The following TMEM132D variants were observed in gnomAD, a reference collection of about 807,000 sequenced individuals.
TMEM132D encodes transmembrane protein 132D.
Under a neutral mutation model 62.3 loss-of-function variants are expected in TMEM132D, and 21 were observed. The observed-to-expected ratio is 0.34, with a 90% CI of 0.24 to 0.49. TMEM132D has a LOEUF of 0.49. Among genes scored for constraint, TMEM132D ranks in the 20% least tolerant of loss-of-function variants. TMEM132D has a pLI of 0.99. For synonymous variants in TMEM132D, 621 were observed against 575.6 expected (o/e 1.08, Z -1.13); for missense variants, 1,346 against 1,402.8 (o/e 0.96, Z 0.65).
chr12:129,104,330 G>T (rs1036030718), intron 5 of TMEM132D, among the ~76,000 whole-genome samples: 50 of 151,786 alleles, frequency 3.3e-4, no homozygotes, highest in African/African-American at 1.0e-3. Flanking sequence ...GGGAAAACTG[G>T]CTAGCCATAT....
At chr12:129,236,514 C>CAAAAAAAAAAAAAA (rs60745384) in intron 4 of TMEM132D, among the ~76,000 whole-genome samples, 7 of 67,014 alleles carry the variant, frequency 1.0e-4, no homozygotes, top group Non-Finnish European at 1.5e-4. Context: ...GACTCCATCT[C>CAAAAAAAAAAAAAA]AAAAAAAAAA....
intron 8 of TMEM132D, 77 bp downstream of exon 8, chr12:129,078,457 T>C: frequency 6.8e-7 from 1 of 1,463,024 alleles, no homozygotes; most frequent in Non-Finnish European, 9.4e-7. Flanking sequence ...GCGACCCGCC[T>C]GGCGTGGTGC....
intron 4 of TMEM132D, among the ~76,000 whole-genome samples, chr12:129,252,515 T>C (rs1178622158): frequency 1.3e-5 from 2 of 152,158 alleles, no homozygotes; most frequent in African/African-American, 4.8e-5. Flanking sequence ...TTCTACATTC[T>C]GGCAATCATT....
At position 129,815,796 on chromosome 12, in the gene TMEM132D, A is replaced by G. The variant is rs188466284; in HGVS notation, c.79+87465T>C. On this transcript the variant is annotated intron_variant, in intron 1 of 8. Coordinates refer to ENST00000422113, the MANE Select transcript of TMEM132D (RefSeq NM_133448.3). ...TGTCTACATTGTTGGAATTTTCTAC[A>G]ATTACTTTGTATTTTTTAATAACTA... 8.5e-5 allele frequency among the ~76,000 whole-genome samples: 13 copies of G among 152,296 alleles called. 1 individual carries two copies. The East Asian group carries it at 2.1e-3, about 25-fold the overall frequency.
rs34158444 is a variant in TMEM132D at position 129,647,121 on chromosome 12, C to CATATAT, written c.968+52683_968+52688dup. Among the ~76,000 whole-genome samples the CATATAT allele has an allele frequency of 1.6e-3, 238 of 146,458 alleles. 2 individuals are homozygous for CATATAT. In the East Asian group the frequency reaches 0.019, roughly 12 times the overall value. ...AACCACATGTTTTTATACATACATA[C>CATATAT]ATATATATATATATATATATACTCA... On this transcript the variant is annotated intron_variant, in intron 2 of 8. Transcript: ENST00000422113.
chr12:129,392,508 C>T, intron 3 of TMEM132D, among the ~76,000 whole-genome samples: 1 of 152,224 alleles, frequency 6.6e-6, no homozygotes, highest in East Asian at 1.9e-4. Flanking sequence ...TGGGCCTGCA[C>T]ATCCACATGC....
At chr12:129,423,993 TA>T (rs1872403223) in intron 3 of TMEM132D, among the ~76,000 whole-genome samples, 1 of 152,176 alleles carries the variant, frequency 6.6e-6, no homozygotes, top group African/African-American at 2.4e-5. Context: ...GAAAATGACA[TA>T]AAAATTTTCC....
At chr12:129,369,177 T>G (rs748275237) in intron 3 of TMEM132D, among the ~76,000 whole-genome samples, 1 of 152,224 alleles carries the variant, frequency 6.6e-6, no homozygotes, top group Non-Finnish European at 1.5e-5. Context: ...AGAGGGCACA[T>G]GCCTCTCTCT....
chr12:129,343,200 G>A (rs567269809), intron 3 of TMEM132D, among the ~76,000 whole-genome samples: 1 of 152,308 alleles, frequency 6.6e-6, no homozygotes, highest in African/African-American at 2.4e-5. Flanking sequence ...TGATAGACTG[G>A]ATTAAGAAAA....
At chr12:129,421,668 T>G (rs1182208777) in intron 3 of TMEM132D, among the ~76,000 whole-genome samples, 1 of 152,254 alleles carries the variant, frequency 6.6e-6, no homozygotes, top group Non-Finnish European at 1.5e-5. Flanking sequence ...GGCTACATTC[T>G]AAAATAAACT....
intron 2 of TMEM132D, among the ~76,000 whole-genome samples, chr12:129,591,104 T>C (rs189992513): frequency 1.3e-4 from 20 of 151,914 alleles, no homozygotes; most frequent in African/African-American, 4.6e-4. Context: ...ACCCAAGGCA[T>C]GAAAGAAAGA....
chr12:129,490,857 C>T (rs979969092), intron 3 of TMEM132D, among the ~76,000 whole-genome samples: 3 of 151,924 alleles, frequency 2.0e-5, no homozygotes, highest in African/African-American at 4.8e-5. Flanking sequence ...TCTGTGCCCC[C>T]GTTTGCCACG....
At chr12:129,293,036 C>A (rs1881487371) in intron 4 of TMEM132D, among the ~76,000 whole-genome samples, 1 of 152,176 alleles carries the variant, frequency 6.6e-6, no homozygotes, top group Non-Finnish European at 1.5e-5. Flanking sequence ...CAGAGGGGCC[C>A]TGTTTTCTGT....
intron 3 of TMEM132D, among the ~76,000 whole-genome samples, chr12:129,359,013 G>C (rs1870164090): frequency 6.6e-6 from 1 of 151,782 alleles, no homozygotes; most frequent in Non-Finnish European, 1.5e-5. Context: ...AGTAGCCAAA[G>C]GTGAAAACAA....
chr12:129,868,170 T>C (rs186197887), intron 1 of TMEM132D, among the ~76,000 whole-genome samples: 1 of 152,128 alleles, frequency 6.6e-6, no homozygotes, highest in Admixed American at 6.5e-5. Context: ...AGTGTTTCCA[T>C]GGTACACACA....
At chr12:129,133,153 T>C (rs1008232291) in intron 5 of TMEM132D, among the ~76,000 whole-genome samples, 1 of 151,846 alleles carries the variant, frequency 6.6e-6, no homozygotes, top group Non-Finnish European at 1.5e-5. Flanking sequence ...AGGCAGCAGA[T>C]CTGCATCTAT....
At chr12:129,449,464 A>T (rs1873203415) in intron 3 of TMEM132D, among the ~76,000 whole-genome samples, 1 of 152,196 alleles carries the variant, frequency 6.6e-6, no homozygotes, top group South Asian at 2.1e-4. Context: ...GAGCCTGCAG[A>T]GCAGGAGTTC....
chr12:129,205,388 A>C (rs545486627), intron 5 of TMEM132D, among the ~76,000 whole-genome samples: 89 of 151,162 alleles, frequency 5.9e-4, no homozygotes, highest in African/African-American at 2.0e-3. Flanking sequence ...AAAAAAAAAA[A>C]AAAACTGACT....
intron 1 of TMEM132D, among the ~76,000 whole-genome samples, chr12:129,797,321 C>T (rs916826230): frequency 1.3e-5 from 2 of 152,170 alleles, no homozygotes; most frequent in African/African-American, 2.4e-5. Flanking sequence ...TAATTTCCCT[C>T]GTTCCACTGT....
Sources: gnomAD v4.1 joint callset for allele counts (sites outside exome capture counted in the v4.1 genomes callset) on GRCh38, gnomAD v4.1.1 for gene constraint, MANE v1.5 for transcripts, NCBI Gene and HGNC (gene_info 2026-07-23, HGNC 2026-07-21) for gene names.